Variants in ARMC2 observed in about 807,000 individuals in gnomAD.
ARMC2 encodes the protein armadillo repeat-containing protein 2.
Under a neutral mutation model 90.3 loss-of-function variants are expected in ARMC2, and 67 were observed. The observed-to-expected ratio is 0.74, with a 90% CI of 0.61 to 0.91. The LOEUF is 0.91. Among genes scored for constraint, ARMC2 ranks in the 40% least tolerant of loss-of-function variants. The pLI, the probability that ARMC2 is intolerant of heterozygous loss-of-function variation, is 0.00. For missense variants in ARMC2, 920 were observed against 1,030.9 expected, an observed-to-expected ratio of 0.89 and a Z score of 1.47; for synonymous variants, 393 against 393.0, an observed-to-expected ratio of 1.00 and a Z score of 0.00.
chr6:108,878,756 C>G (rs145147168), intron 5 of ARMC2, among the ~76,000 whole-genome samples: 1 of 152,146 alleles, frequency 6.6e-6, no homozygotes, highest in Admixed American at 6.5e-5. Flanking sequence ...TCTCCATATG[C>G]CCATTTAGGG....
At chr6:108,942,829 C>G (rs1018462008) in intron 12 of ARMC2, among the ~76,000 whole-genome samples, 3 of 152,134 alleles carry the variant, frequency 2.0e-5, no homozygotes, top group African/African-American at 4.8e-5. Context: ...TTTCATTTTT[C>G]TAAGACACAC....
At chr6:109,039,007 G>C in the ARMC2 span, among the ~76,000 whole-genome samples, 1 of 147,224 alleles carries the variant, frequency 6.8e-6, no homozygotes, top group Non-Finnish European at 1.5e-5. Context: ...GAGAAAAGAA[G>C]AAAGAGAAAG....
At chr6:108,856,108 T>G (rs921488451) in intron 2 of ARMC2, among the ~76,000 whole-genome samples, 1 of 152,240 alleles carries the variant, frequency 6.6e-6, no homozygotes, top group Non-Finnish European at 1.5e-5. Flanking sequence ...TTTGGTGTTG[T>G]ATATTAAAAG....
intron 17 of ARMC2, among the ~76,000 whole-genome samples, chr6:108,970,958 C>T (rs75973983): frequency 2.6e-5 from 4 of 152,144 alleles, no homozygotes; most frequent in Non-Finnish European, 5.9e-5. Context: ...CGCTGTGGCT[C>T]ACACCTGTAA....
intron 7 of ARMC2, among the ~76,000 whole-genome samples, chr6:108,903,146 T>A (rs970707091): frequency 6.6e-6 from 1 of 152,182 alleles, no homozygotes; most frequent in Non-Finnish European, 1.5e-5. Flanking sequence ...CCGGTCTGGG[T>A]GACAGAGTGA....
chr6:109,051,325 GAGTC>G, the ARMC2 span, among the ~76,000 whole-genome samples: 13,979 of 152,144 alleles, frequency 0.092, 847 homozygotes, highest in Middle Eastern at 0.19. Context: ...CATTGAAACT[GAGTC>G]AGACAATAAT....
chr6:108,979,888 A>G, the ARMC2 span, among the ~76,000 whole-genome samples: 15,198 of 151,734 alleles, frequency 0.1, 901 homozygotes, highest in Middle Eastern at 0.19. Flanking sequence ...TTAGCAATTC[A>G]TCTAACCTTT....
chr6:108,951,036 C>A (rs1777142811), intron 12 of ARMC2, among the ~76,000 whole-genome samples: 1 of 152,206 alleles, frequency 6.6e-6, no homozygotes, highest in Non-Finnish European at 1.5e-5. Context: ...CGAATCATTG[C>A]TCAGTACAAT....
At chr6:108,946,372 C>G (rs929364409) in intron 12 of ARMC2, among the ~76,000 whole-genome samples, 1 of 152,174 alleles carries the variant, frequency 6.6e-6, no homozygotes, top group African/African-American at 2.4e-5. Context: ...AGATTCTTGG[C>G]TTTGAGTCTC....
intron 10 of ARMC2, among the ~76,000 whole-genome samples, chr6:108,924,329 C>T (rs1774899331): frequency 6.6e-6 from 1 of 152,046 alleles, no homozygotes; most frequent in Non-Finnish European, 1.5e-5. Flanking sequence ...ACCAGCCTGG[C>T]CAACATGGCA....
At chr6:108,870,940 TAAAC>T (rs1776345569) in intron 4 of ARMC2, among the ~76,000 whole-genome samples, 1 of 152,126 alleles carries the variant, frequency 6.6e-6, no homozygotes, top group African/African-American at 2.4e-5. Context: ...CTGAAGAAGA[TAAAC>T]AAGATAATGG....
In ARMC2 at chr6:108,952,694, T is replaced by C. The variant is rs184990554; in HGVS notation, c.1597-339T>C. On this transcript the variant is annotated intron_variant, in intron 12 of 17. Transcript: ENST00000392644. Reference sequence around the variant, plus strand: ...AAACCGGCTATTGTCAAAACTTAGATTTACATGACTCATTTTTAGTAATGC... The same window carrying C: ...AAACCGGCTATTGTCAAAACTTAGACTTACATGACTCATTTTTAGTAATGC... Among the ~76,000 whole-genome samples the C allele has an allele frequency of 9.8e-5, 15 of 152,320 alleles. No individual in the cohort carries two copies. In the East Asian group the frequency reaches 1.9e-3, roughly 20 times the overall value.
intron 3 of ARMC2, among the ~76,000 whole-genome samples, chr6:108,867,685 C>T (rs1402604653): frequency 1.3e-5 from 2 of 151,994 alleles, no homozygotes; most frequent in East Asian, 1.9e-4. Flanking sequence ...ACCGGAGAAT[C>T]GCTTGAACCT....
the ARMC2 span, among the ~76,000 whole-genome samples, chr6:109,008,440 T>A: frequency 2.7e-5 from 4 of 150,210 alleles, no homozygotes; most frequent in East Asian, 7.7e-4. Flanking sequence ...AATGTTAAAA[T>A]CTCAAAAAAA....
chr6:109,008,662 G>T, the ARMC2 span: 1 of 496,764 alleles, frequency 2.0e-6, no homozygotes, highest in Non-Finnish European at 2.6e-6. Flanking sequence ...TAAGGTTCGA[G>T]TTTTACCTAA....
At chr6:108,922,260 G>T (rs189411110) in intron 10 of ARMC2, among the ~76,000 whole-genome samples, 1 of 151,912 alleles carries the variant, frequency 6.6e-6, no homozygotes, top group Admixed American at 6.6e-5. Context: ...AGTCCGGAGG[G>T]CCCCCCCACC....
intron 2 of ARMC2, among the ~76,000 whole-genome samples, chr6:108,854,832 A>G (rs1774377544): frequency 6.6e-6 from 1 of 152,182 alleles, no homozygotes; most frequent in African/African-American, 2.4e-5. Flanking sequence ...ACATGTAACC[A>G]CTATTATAGT....
intron 5 of ARMC2, among the ~76,000 whole-genome samples, chr6:108,888,027 G>A (rs913895976): frequency 1.3e-5 from 2 of 152,194 alleles, no homozygotes; most frequent in African/African-American, 4.8e-5. Context: ...AACCGCTAAT[G>A]TCATTTTAGG....
At chr6:108,993,165 A>C in the ARMC2 span, 1 of 351,102 alleles carries the variant, frequency 2.8e-6, no homozygotes, top group Non-Finnish European at 5.1e-6. Context: ...CTCTCCTCCC[A>C]TTCCAATTTA....
Sources: allele counts gnomAD v4.1 joint callset (sites outside exome capture counted in the v4.1 genomes callset), GRCh38; gene constraint gnomAD v4.1.1; transcripts MANE v1.5; gene names NCBI Gene and HGNC (gene_info 2026-07-23, HGNC 2026-07-21).